ATP10B: variants seen among roughly 807,000 people sequenced by gnomAD.
The protein encoded by ATP10B is phospholipid-transporting ATPase VB.
In ATP10B, 122 loss-of-function variants were observed where a neutral mutation model predicts 141.2. The ratio of observed to expected loss-of-function variants is 0.86; its 90% confidence interval spans 0.75 to 1.00. The LOEUF (loss-of-function observed/expected upper bound fraction) is 1.00. ATP10B is among the 50% of genes least tolerant of loss of function. The pLI is 0.00. For missense variants in ATP10B, 1,876 were observed against 1,825.3 expected (o/e 1.03, Z -0.51); for synonymous variants, 685 against 692.0 (o/e 0.99, Z 0.16).
At chr5:160,741,027 A>G (rs1767435460) in intron 2 of ATP10B, among the ~76,000 whole-genome samples, 1 of 152,236 alleles carries the variant, frequency 6.6e-6, no homozygotes, top group South Asian at 2.1e-4. Flanking sequence ...TTCAGTATAC[A>G]AGAATAATCT....
intron 1 of ATP10B, among the ~76,000 whole-genome samples, chr5:160,847,770 GTTA>G (rs1274827962): frequency 1.3e-5 from 2 of 152,150 alleles, no homozygotes; most frequent in Non-Finnish European, 2.9e-5. Context: ...AAAAACGCGG[GTTA>G]TTAAGTAGGA....
chr5:160,695,184 T>G (rs563861730), intron 3 of ATP10B, among the ~76,000 whole-genome samples: 1 of 152,338 alleles, frequency 6.6e-6, no homozygotes, highest in Admixed American at 6.5e-5. Flanking sequence ...TCATACCAAT[T>G]GAAACTGACC....
chr5:160,738,308 A>C lies in ATP10B; in HGVS notation c.-330-21274T>G, dbSNP rs142913432. Among the ~76,000 whole-genome samples, 606 of 152,218 alleles carry C rather than the reference A, an allele frequency of 4.0e-3. 2 individuals are homozygous for C. The highest frequency in any genetic ancestry group is 6.7e-3 in the Non-Finnish European group (458 of 67,944). On this transcript the variant is annotated intron_variant, in intron 2 of 25. Coordinates refer to ENST00000327245, the MANE Select transcript of ATP10B (RefSeq NM_025153.3). The stretch of plus-strand genomic sequence containing the variant: ...AGAAATAATTATAGCTTTTATGCTT[A>C]TCCTGGAAATAGAAAAAGGTGTGAA...
the ATP10B span, among the ~76,000 whole-genome samples, chr5:160,927,379 T>C: frequency 2.0e-5 from 3 of 152,184 alleles, no homozygotes; most frequent in South Asian, 4.1e-4. Context: ...GAGTCAGAAA[T>C]GCTGTCGCTT....
intron 7 of ATP10B, among the ~76,000 whole-genome samples, chr5:160,664,351 C>T (rs1015684969): frequency 2.0e-5 from 3 of 152,190 alleles, no homozygotes; most frequent in African/African-American, 4.8e-5. Context: ...TGGCAAAATG[C>T]TCCTCTAAGT....
At chr5:160,671,889 G>T (rs1178767735) in intron 6 of ATP10B, among the ~76,000 whole-genome samples, 1 of 150,114 alleles carries the variant, frequency 6.7e-6, no homozygotes, top group Non-Finnish European at 1.5e-5. Flanking sequence ...AGTTTTTGCT[G>T]CTTGGGTATA....
chr5:160,761,605 TC>T (rs1769050116), intron 2 of ATP10B, among the ~76,000 whole-genome samples: 1 of 152,148 alleles, frequency 6.6e-6, no homozygotes, highest in African/African-American at 2.4e-5. Context: ...TTTTAGACCT[TC>T]CCACTGAAAC....
chr5:160,715,198 G>A (rs1765534192), intron 3 of ATP10B, among the ~76,000 whole-genome samples: 1 of 143,334 alleles, frequency 7.0e-6, no homozygotes, highest in Non-Finnish European at 1.5e-5. Flanking sequence ...GCAATGGCGG[G>A]CGCCCCTCCC....
intron 19 of ATP10B, among the ~76,000 whole-genome samples, chr5:160,605,580 T>G (rs1250709991): frequency 2.0e-5 from 3 of 152,236 alleles, no homozygotes; most frequent in Non-Finnish European, 4.4e-5. Context: ...AAGTAGGATG[T>G]CGTTGCTAAA....
rs1561670839 is a variant in ATP10B, at chr5:160,632,117, G to A, written c.1620+12C>T. The A allele has an allele frequency of 6.2e-7, 1 of 1,606,006 alleles. No individual in the cohort carries two copies. The highest frequency in any genetic ancestry group is 1.1e-5 in the South Asian group (1 of 90,620). ...GAACACTTACAGTTCAAAGGCAAAAGTCAGGACTTACTATGGAGCTGCTGA... is the reference window on the plus strand; with the variant it reads ...GAACACTTACAGTTCAAAGGCAAAAATCAGGACTTACTATGGAGCTGCTGA... On this transcript the variant is annotated intron_variant, in intron 13 of 25. Transcript: ENST00000327245.
At chr5:160,697,234 G>C (rs180775440) in intron 3 of ATP10B, among the ~76,000 whole-genome samples, 189 of 152,286 alleles carry the variant, frequency 1.2e-3, no homozygotes, top group Non-Finnish European at 2.3e-3. Context: ...ATTGCCATTT[G>C]AAAGACCCTC....
intron 13 of ATP10B, among the ~76,000 whole-genome samples, chr5:160,629,200 C>A (rs565643646): frequency 6.6e-6 from 1 of 151,220 alleles, no homozygotes; most frequent in East Asian, 1.9e-4. Context: ...GGGACAAGTG[C>A]AGAGAGTCTG....
At chr5:160,845,013 C>A (rs978176422) in intron 1 of ATP10B, among the ~76,000 whole-genome samples, 1 of 148,618 alleles carries the variant, frequency 6.7e-6, no homozygotes, top group East Asian at 2.0e-4. Context: ...TCGGATTTGG[C>A]CACCCTTATT....
intron 1 of ATP10B, among the ~76,000 whole-genome samples, chr5:160,838,107 T>C (rs541948582): frequency 1.9e-4 from 29 of 152,338 alleles, no homozygotes; most frequent in South Asian, 4.1e-4. Context: ...TGCTGAACTA[T>C]ACTTCATCAA....
At chr5:160,603,630 C>T (rs1757220915) in intron 20 of ATP10B, 1 of 304,154 alleles carries the variant, frequency 3.3e-6, no homozygotes, top group Admixed American at 4.0e-5. Flanking sequence ...AGTCAATGCT[C>T]TCTATCCTCA....
chr5:160,683,079 GA>G (rs1260890552), intron 6 of ATP10B, among the ~76,000 whole-genome samples: 5 of 132,280 alleles, frequency 3.8e-5, no homozygotes, highest in Admixed American at 7.5e-5. Flanking sequence ...AAGAAGAAAA[GA>G]AAAAAAAGAA....
At chr5:160,857,041 G>T (rs1282534014), upstream of ATP10B, among the ~76,000 whole-genome samples, 1 of 150,950 alleles carries the variant, frequency 6.6e-6, no homozygotes, top group Non-Finnish European at 1.5e-5. Flanking sequence ...TGTTTTTCCT[G>T]GTTTTGATAT....
Position 160,565,640 on chromosome 5 carries a change from T to C in ATP10B, c.4199A>G (p.Glu1400Gly). The change falls in exon 26 of 26, where the codon GAA becomes GGA. Residue 1400 changes from glutamate to glycine, a missense_variant. Physicochemically the swap from Glu to Gly is moderately conservative, Grantham distance 98. Coordinates refer to ENST00000327245, the MANE Select transcript of ATP10B (RefSeq NM_025153.3). ...CATGCACTCCGTGCCACATCTCTGT[T>C]CGTGGAGTACTGACTCTTCCACATG... is the stretch of plus-strand genomic sequence containing the variant. The part of the protein sequence containing the change: ...RKHVEESVLH[E>G]QRCGTECMRD... 6.2e-7 allele frequency: 1 copy of C among 1,614,108 alleles called. No individual in the cohort carries two copies. The highest frequency in any genetic ancestry group is 1.6e-4 in the Middle Eastern group (1 of 6,062).
the ATP10B span, among the ~76,000 whole-genome samples, chr5:160,870,446 G>A: frequency 2.0e-5 from 3 of 151,130 alleles, no homozygotes; most frequent in East Asian, 5.8e-4. Flanking sequence ...GACAGAACAA[G>A]CAGCAGAACC....
Sources: gnomAD v4.1 joint callset for allele counts (sites outside exome capture counted in the v4.1 genomes callset) on GRCh38, gnomAD v4.1.1 for gene constraint, MANE v1.5 for transcripts, NCBI Gene and HGNC (gene_info 2026-07-23, HGNC 2026-07-21) for gene names.